GTF3C1: variants seen among roughly 807,000 people sequenced by gnomAD.
GTF3C1 encodes the protein general transcription factor IIIC subunit 1, also known as general transcription factor 3C polypeptide 1.
GTF3C1 carries 57 observed loss-of-function variants against 226.7 expected under a neutral mutation model. The observed-to-expected ratio is 0.25, with a 90% confidence interval of 0.20 to 0.31. The LOEUF (loss-of-function observed/expected upper bound fraction) is 0.31. GTF3C1 is among the 10% of genes least tolerant of loss of function. The pLI is 1.00. For missense variants in GTF3C1, 2,217 were observed against 2,776.1 expected (o/e 0.80, Z 4.53); for synonymous variants, 1,090 against 1,084.8 (o/e 1.00, Z -0.09).
intron 19 of GTF3C1, among the ~76,000 whole-genome samples, chr16:27,490,014 C>A (rs2088209674): frequency 6.6e-6 from 1 of 152,210 alleles, no homozygotes; most frequent in South Asian, 2.1e-4. Flanking sequence ...AGAAGGCAGG[C>A]AAGGCAGTCG....
chr16:27,499,478 C>A (rs1396292482), intron 12 of GTF3C1, among the ~76,000 whole-genome samples: 1 of 152,168 alleles, frequency 6.6e-6, no homozygotes, highest in African/African-American at 2.4e-5. Context: ...AGGCCGGGGA[C>A]AGCAAGGTCA....
chr16:27,475,067 G>A (rs945474174), intron 29 of GTF3C1, among the ~76,000 whole-genome samples: 2 of 152,246 alleles, frequency 1.3e-5, no homozygotes, highest in African/African-American at 4.8e-5. Flanking sequence ...TCCTGAACCA[G>A]TTCCATTTCC....
At position 27,506,854 on chromosome 16, in the gene GTF3C1, T is replaced by C; in HGVS notation, c.1545A>G (p.Pro515=). The change falls in exon 9 of 37, where the codon CCA becomes CCG. Residue 515 remains proline (P), a synonymous_variant. Coordinates refer to ENST00000356183, the MANE Select transcript of GTF3C1 (RefSeq NM_001520.4). ...RPKTQPHHST[P]TKGGWKVVNL... ...ACCCCACGTGCTCCCTACCCTTGGT[T>C]GGGGTGGAGTGATGAGGCTGGGTCT... 1 of 1,605,088 alleles carries C rather than the reference T, an allele frequency of 6.2e-7. No homozygotes were observed.
intron 2 of GTF3C1, among the ~76,000 whole-genome samples, chr16:27,544,880 T>C (rs1227228836): frequency 1.3e-5 from 2 of 152,098 alleles, no homozygotes; most frequent in Non-Finnish European, 2.9e-5. Flanking sequence ...AGTGCAGGGC[T>C]AGTGAACTCT....
At chr16:27,480,376 A>G (rs933326133) in intron 27 of GTF3C1, among the ~76,000 whole-genome samples, 3 of 152,190 alleles carry the variant, frequency 2.0e-5, no homozygotes, top group Non-Finnish European at 4.4e-5. Flanking sequence ...GGCAAAGGAT[A>G]TCAACTCTGA....
chr16:27,526,136 T>C (rs1330222002), intron 6 of GTF3C1, among the ~76,000 whole-genome samples: 2 of 152,194 alleles, frequency 1.3e-5, no homozygotes, highest in African/African-American at 4.8e-5. Context: ...ATTTTTCTCA[T>C]GGACTGGTCA....
At position 27,480,157 on chromosome 16, in the gene GTF3C1, TGC is replaced by T. The variant is rs571829793; in HGVS notation, c.4196+920_4196+921del. Reference sequence around the variant, plus strand: ...CGGAGCTTGCAGTGAGCCGAGAGTGTGCCACTGCACTCCAGCCCGGGGGGCCG... The same window carrying T: ...CGGAGCTTGCAGTGAGCCGAGAGTGTCACTGCACTCCAGCCCGGGGGGCCG... On this transcript the variant is annotated intron_variant, in intron 27 of 36. Transcript: ENST00000356183. 4.3e-5 allele frequency among the ~76,000 whole-genome samples: 6 copies of T among 140,498 alleles called. No individual in the cohort carries two copies. In the South Asian group the frequency reaches 1.3e-3, roughly 31 times the overall value. The allele number at this position is 140,498 out of a possible 152,430, so 92.2% of individuals were successfully genotyped here.
Position 27,537,804 on chromosome 16 carries a change from C to G in GTF3C1, c.732G>C (p.Leu244=). 6.2e-7 allele frequency: 1 copy of G among 1,612,252 alleles called. No individual in the cohort carries two copies. Among genetic ancestry groups the G allele is most frequent in the African/African-American group, 1.3e-5 (1 of 74,996 alleles). ...CATACCTGTCCACATGAAACCGGTT[C>G]AGTAGGAGGAGGATTGAGTGTTGCT... The part of the protein sequence containing the change: ...GAQQHSILLL[L]NRFHVDRRSK... Residue 244 remains leucine (L), a synonymous_variant, in exon 4 of 37, where the codon CTG becomes CTC. Transcript: ENST00000356183.
intron 8 of GTF3C1, among the ~76,000 whole-genome samples, 153 bp downstream of exon 8, chr16:27,508,387 A>G (rs2088519438): frequency 6.6e-6 from 1 of 152,210 alleles, no homozygotes; most frequent in South Asian, 2.1e-4. Flanking sequence ...GAGACATAAC[A>G]TGGCTATGGA....
chr16:27,546,486 G>GAAA (rs11406778), intron 1 of GTF3C1, among the ~76,000 whole-genome samples: 4 of 111,874 alleles, frequency 3.6e-5, no homozygotes, highest in Non-Finnish European at 5.2e-5. Flanking sequence ...TTTTTTTTTT[G>GAAA]AAAAAAAAAA....
intron 12 of GTF3C1, among the ~76,000 whole-genome samples, chr16:27,500,312 G>A (rs1307506312): frequency 6.6e-6 from 1 of 151,660 alleles, no homozygotes; most frequent in Non-Finnish European, 1.5e-5. Flanking sequence ...GGGGCCAGGG[G>A]ACATTATTGT....
chr16:27,496,590 G>C (rs1025983408), intron 14 of GTF3C1, among the ~76,000 whole-genome samples: 1 of 152,172 alleles, frequency 6.6e-6, no homozygotes, highest in Admixed American at 6.5e-5. Context: ...ATTTTTAGTA[G>C]AGGCAGGGTT....
chr16:27,507,182 C>A lies in GTF3C1; in HGVS notation c.1243-26G>T. On this transcript the variant is annotated intron_variant, in intron 8 of 36. Coordinates refer to ENST00000356183, the MANE Select transcript of GTF3C1 (RefSeq NM_001520.4). The surrounding 1 kb of genome is among the most constrained non-coding windows in gnomAD (Gnocchi z 4.9). ...CTAGAGGGAATAAGATGTGTTTATC[C>A]CACTGCAAAGAGGGCGTCATACCCA... 6.5e-7 allele frequency: 1 copy of A among 1,550,138 alleles called. No individual in the cohort carries two copies. Among genetic ancestry groups the A allele is most frequent in the Non-Finnish European group, 8.8e-7 (1 of 1,137,960 alleles).
In GTF3C1 at chr16:27,462,662, G is replaced by A; in HGVS notation, c.5925-176C>T. On this transcript the variant is annotated intron_variant, in intron 35 of 36. Transcript: ENST00000356183. This position sits in a 1 kb window ranked among gnomAD's most constrained non-coding sequence, Gnocchi z 4.5. The stretch of plus-strand genomic sequence containing the variant: ...GCTTCTCTCCTGTCTGGACAGAGGG[G>A]CCCTTGACCGCCAGCTGGGTGGAAC... 1.7e-6 allele frequency: 1 copy of A among 582,964 alleles called. No homozygotes were observed. The highest frequency in any genetic ancestry group is 2.2e-5 in the South Asian group (1 of 46,500). The allele number at this position is 582,964 out of a possible 1,614,324, so 36.1% of individuals were successfully genotyped here.
chr16:27,461,512 C>T lies in GTF3C1; in HGVS notation c.6168G>A (p.Arg2056=), dbSNP rs775647995. The part of the protein sequence containing the change: ...CIRKRWLRKP[R]PVSLFSTPVV... Reference sequence around the variant, plus strand: ...CGGGTGTAGAGAAGAGCGAGACAGGCCTTGGCTTTCTCAGCCAGCGCTTCC... The same window carrying T: ...CGGGTGTAGAGAAGAGCGAGACAGGTCTTGGCTTTCTCAGCCAGCGCTTCC... Residue 2056 remains arginine, a synonymous_variant, in exon 37 of 37, where the codon AGG becomes AGA. Transcript: ENST00000356183. This position sits in a 1 kb window ranked among gnomAD's most constrained non-coding sequence, Gnocchi z 5.3. 7 of 1,613,996 alleles carry T rather than the reference C, an allele frequency of 4.3e-6. No homozygotes were observed. Among genetic ancestry groups the T allele is most frequent in the Non-Finnish European group, 5.1e-6 (6 of 1,179,982 alleles).
At position 27,463,939 on chromosome 16, in the gene GTF3C1, GA is replaced by G; in HGVS notation, c.5873-348del. 1 of 421,606 alleles carries G rather than the reference GA, an allele frequency of 2.4e-6. No individual in the cohort carries two copies. Among genetic ancestry groups the G allele is most frequent in the South Asian group, 3.5e-5 (1 of 28,426 alleles). 26.1% of individuals were successfully genotyped at this position (421,606 alleles called of 1,614,324 possible). ...CCCAAAGAAAACAAAAACGCCCAGAGAAGCCACATGAGAAGGCCGCTGCTGA... is the reference window on the plus strand; with the variant it reads ...CCCAAAGAAAACAAAAACGCCCAGAGAGCCACATGAGAAGGCCGCTGCTGA... On this transcript the variant is annotated intron_variant, in intron 34 of 36. Coordinates refer to ENST00000356183, the MANE Select transcript of GTF3C1 (RefSeq NM_001520.4). This position sits in a 1 kb window ranked among gnomAD's most constrained non-coding sequence, Gnocchi z 4.9.
At chr16:27,494,293 T>C (rs562325325) in intron 16 of GTF3C1, among the ~76,000 whole-genome samples, 1 of 151,156 alleles carries the variant, frequency 6.6e-6, no homozygotes, top group Admixed American at 6.6e-5. Flanking sequence ...CCCAGCTACT[T>C]GGGAGGCTGA....
intron 5 of GTF3C1, among the ~76,000 whole-genome samples, chr16:27,532,797 T>C (rs1412333853): frequency 6.6e-6 from 1 of 152,168 alleles, no homozygotes; most frequent in East Asian, 1.9e-4. Context: ...GAAATGGAAG[T>C]CAGGCAAAGG....
Position 27,463,507 on chromosome 16 carries a change from G to A in GTF3C1, c.5924+34C>T, listed in dbSNP as rs760809568. ...ACACTCGGTCCCTGTCAAGAGCCCC[G>A]CCCCAGGCCCCGGAGCCAGAACCCC... On this transcript the variant is annotated intron_variant, in intron 35 of 36. Coordinates refer to ENST00000356183, the MANE Select transcript of GTF3C1 (RefSeq NM_001520.4). The surrounding 1 kb of genome is among the most constrained non-coding windows in gnomAD (Gnocchi z 4.9). 11 of 1,327,940 alleles carry A rather than the reference G, an allele frequency of 8.3e-6. No individual in the cohort carries two copies. Among genetic ancestry groups the A allele is most frequent in the African/African-American group, 1.4e-5 (1 of 69,290 alleles). The allele number at this position is 1,327,940 out of a possible 1,614,324, so 82.3% of individuals were successfully genotyped here.
Sources: gnomAD v4.1 joint callset for allele counts (sites outside exome capture counted in the v4.1 genomes callset) on GRCh38, gnomAD v4.1.1 for gene constraint, Gnocchi (gnomAD v3.1) non-coding constraint, MANE v1.5 for transcripts, NCBI Gene and HGNC (gene_info 2026-07-23, HGNC 2026-07-21) for gene names.